Variants in LNX1 observed in about 807,000 individuals in gnomAD.
LNX1 encodes ligand of numb-protein X 1, also known as E3 ubiquitin-protein ligase LNX.
Under a neutral mutation model 68.4 loss-of-function variants are expected in LNX1, and 54 were observed. The observed-to-expected ratio is 0.79, with a 90% CI of 0.63 to 0.99. The LOEUF (loss-of-function observed/expected upper bound fraction) is 0.99. LNX1 is among the 50% of genes least tolerant of loss of function. The probability of loss-of-function intolerance (pLI) is 0.00; values close to 1 mark genes in which losing one functional copy is unlikely to be tolerated. For synonymous variants in LNX1, 336 were observed against 350.0 expected (o/e 0.96, Z 0.45); for missense variants, 906 against 926.4 (o/e 0.98, Z 0.29).
intron 1 of LNX1, among the ~76,000 whole-genome samples, chr4:53,643,715 G>A (rs1225009162): frequency 2.0e-5 from 3 of 152,142 alleles, no homozygotes; most frequent in African/African-American, 4.8e-5. Context: ...AGGTCCTGCT[G>A]CCTGGTAACC....
rs545758100 is a variant in LNX1 at position 53,625,232 on chromosome 4, C to A, written c.-215+26936G>T. Among the ~76,000 whole-genome samples the A allele has an allele frequency of 5.3e-5, 8 of 152,130 alleles. No homozygotes were observed. In the East Asian group the frequency reaches 1.4e-3, roughly 26 times the overall value. ...AGAAAAAATAAATTGGTTTTCATCA[C>A]AATTAAATATTTTTGAGCCTCCAAG... On this transcript the variant is annotated intron_variant, in intron 1 of 2. Coordinates refer to the LNX1 transcript ENST00000507168.
intron 2 of LNX1, among the ~76,000 whole-genome samples, chr4:53,555,071 G>A (rs1729810799): frequency 6.6e-6 from 1 of 152,124 alleles, no homozygotes; most frequent in Non-Finnish European, 1.5e-5. Context: ...TTCCCCCAGT[G>A]TCAGGAATCC....
At chr4:53,540,064 G>A (rs1728642032) in intron 2 of LNX1, among the ~76,000 whole-genome samples, 1 of 152,166 alleles carries the variant, frequency 6.6e-6, no homozygotes, top group African/African-American at 2.4e-5. Flanking sequence ...AAATAAGATG[G>A]CATAGCAACT....
intron 1 of LNX1, among the ~76,000 whole-genome samples, chr4:53,642,974 G>A (rs922739149): frequency 1.2e-4 from 19 of 152,124 alleles, no homozygotes; most frequent in Non-Finnish European, 2.1e-4. Flanking sequence ...GCCCTCCAGA[G>A]GCCACTTAAC....
intron 1 of LNX1, among the ~76,000 whole-genome samples, chr4:53,583,733 A>T (rs535843426): frequency 3.9e-5 from 6 of 152,302 alleles, no homozygotes; most frequent in African/African-American, 1.2e-4. Context: ...AAGTGGCTAG[A>T]CAATTAGACG....
intron 6 of LNX1, among the ~76,000 whole-genome samples, chr4:53,491,126 AAG>A (rs1354034405): frequency 1.3e-5 from 2 of 152,204 alleles, no homozygotes; most frequent in African/African-American, 2.4e-5. Flanking sequence ...CATGATGAGT[AAG>A]AGTTTTTCTT....
chr4:53,570,069 C>G (rs10213560), intron 2 of LNX1, among the ~76,000 whole-genome samples: 1 of 151,658 alleles, frequency 6.6e-6, no homozygotes, highest in South Asian at 2.1e-4. Flanking sequence ...GTTGGTGGGA[C>G]TGTAAACTAG....
chr4:53,513,792 T>C (rs6853466), intron 2 of LNX1, among the ~76,000 whole-genome samples: 146,334 of 152,322 alleles, frequency 0.96, 70,572 homozygotes, highest in East Asian at 1. Context: ...ACTTGTGTTG[T>C]CTGCCCATCT....
rs192740665 is a variant in LNX1, at chr4:53,561,485, C to T, written c.380+12138G>A. On this transcript the variant is annotated intron_variant, in intron 2 of 10. Transcript: ENST00000263925. Reference sequence around the variant, plus strand: ...TCATGATCCGCCCACGTCATCCTCCCAAAGTGCTGGGATTACAAGCTTGAG... The same window carrying T: ...TCATGATCCGCCCACGTCATCCTCCTAAAGTGCTGGGATTACAAGCTTGAG... 3.2e-3 allele frequency among the ~76,000 whole-genome samples: 490 copies of T among 152,290 alleles called. 4 individuals carry two copies. The highest frequency in any genetic ancestry group is 0.011 in the African/African-American group (474 of 41,564).
upstream of LNX1, among the ~76,000 whole-genome samples, chr4:53,622,359 C>T (rs1449129736): frequency 3.3e-5 from 5 of 152,152 alleles, no homozygotes; most frequent in Non-Finnish European, 7.4e-5. Context: ...TTTCAAACCA[C>T]TAGCCTTGCA....
chr4:53,530,325 G>T (rs1281372269), intron 2 of LNX1, among the ~76,000 whole-genome samples: 2 of 151,932 alleles, frequency 1.3e-5, no homozygotes, highest in Admixed American at 6.6e-5. Flanking sequence ...CATATAAAAG[G>T]TATACAAAAG....
intron 2 of LNX1, among the ~76,000 whole-genome samples, chr4:53,604,777 G>T (rs1733159061): frequency 6.6e-6 from 1 of 152,238 alleles, no homozygotes; most frequent in Non-Finnish European, 1.5e-5. Context: ...ATTTGTGCTT[G>T]TGTTTGGATT....
intron 2 of LNX1, among the ~76,000 whole-genome samples, chr4:53,548,835 T>C (rs898872499): frequency 6.6e-6 from 1 of 152,232 alleles, no homozygotes; most frequent in Non-Finnish European, 1.5e-5. Context: ...CATGGAATAC[T>C]ATGCAGCCAT....
At chr4:53,470,828 T>G (rs543026309) in intron 9 of LNX1, among the ~76,000 whole-genome samples, 69 of 151,766 alleles carry the variant, frequency 4.5e-4, no homozygotes, top group Middle Eastern at 3.4e-3. Flanking sequence ...CACTGCTCAA[T>G]GAAATAAAAT....
intron 9 of LNX1, among the ~76,000 whole-genome samples, chr4:53,470,550 G>C: frequency 6.6e-6 from 1 of 152,156 alleles, no homozygotes; most frequent in Non-Finnish European, 1.5e-5. Context: ...AAGTCAAATT[G>C]TCCCTGTTTG....
intron 8 of LNX1, among the ~76,000 whole-genome samples, chr4:53,477,871 C>T: frequency 6.6e-6 from 1 of 152,094 alleles, no homozygotes. Context: ...GATACCATCC[C>T]CCTGTGGCTC....
rs183264953 is a variant in LNX1 at position 53,588,879 on chromosome 4, G to A, written c.-87+2509C>T. 9.5e-4 allele frequency among the ~76,000 whole-genome samples: 144 copies of A among 152,256 alleles called. 2 individuals are homozygous for A. The highest frequency in any genetic ancestry group is 1.6e-4 in the Non-Finnish European group (11 of 68,028). On this transcript the variant is annotated intron_variant, in intron 1 of 10. Coordinates refer to ENST00000263925, the MANE Select transcript of LNX1 (RefSeq NM_001126328.3). ...TGACCAGGGCCCTGGGCACACAACT[G>A]CTCATATGCAATGACTCAAGGTCAC... is the stretch of plus-strand genomic sequence containing the variant.
At position 53,459,592 on chromosome 4, in the gene LNX1, A is replaced by G. The variant is rs1721380096; in HGVS notation, c.*1315T>C. The G allele has an allele frequency of 1.7e-6, 2 of 1,186,868 alleles. No homozygotes were observed. The highest frequency in any genetic ancestry group is 2.4e-6 in the Non-Finnish European group (2 of 826,588). 73.5% of individuals were successfully genotyped at this position (1,186,868 alleles called of 1,614,324 possible). A position where few individuals can be genotyped will look rare whatever the true frequency, so the allele number is the denominator to read the frequency against. Reference sequence around the variant, plus strand: ...AAAGTTAACTTTTTTTCCAAAATAAAAGAGTGAATTTTTCATGTTAAGTTA... The same window carrying G: ...AAAGTTAACTTTTTTTCCAAAATAAGAGAGTGAATTTTTCATGTTAAGTTA... On this transcript the variant is annotated 3_prime_UTR_variant, in exon 11 of 11. Transcript: ENST00000263925.
chr4:53,568,767 T>C (rs952258680), intron 2 of LNX1, among the ~76,000 whole-genome samples: 22 of 152,120 alleles, frequency 1.4e-4, no homozygotes, highest in South Asian at 8.3e-4. Context: ...AAAACCCCAT[T>C]GTCTCAGCCC....
Sources: gnomAD v4.1 joint callset for allele counts (sites outside exome capture counted in the v4.1 genomes callset) on GRCh38, gnomAD v4.1.1 for gene constraint, MANE v1.5 for transcripts, NCBI Gene and HGNC (gene_info 2026-07-23, HGNC 2026-07-21) for gene names.